ABTB2: variants seen among roughly 807,000 people sequenced by gnomAD.
The protein encoded by ABTB2 is ankyrin repeat and BTB/POZ domain-containing protein 2.
ABTB2 carries 56 observed loss-of-function variants against 104.1 expected under a neutral mutation model. That is an observed-to-expected ratio of 0.54 (90% CI 0.43 to 0.67). ABTB2 has a LOEUF of 0.67. ABTB2 is among the 30% of genes least tolerant of loss of function. The pLI is 0.00. For synonymous variants in ABTB2, 606 were observed against 608.2 expected (o/e 1.00, Z 0.05); for missense variants, 1,279 against 1,407.7 (o/e 0.91, Z 1.46).
intron 1 of ABTB2, among the ~76,000 whole-genome samples, chr11:34,243,030 C>T (rs1396861273): frequency 6.6e-6 from 1 of 152,130 alleles, no homozygotes; most frequent in Non-Finnish European, 1.5e-5. Flanking sequence ...ACCTCACTGA[C>T]AGTCCGAATC....
intron 1 of ABTB2, among the ~76,000 whole-genome samples, chr11:34,225,194 G>C (rs1196890736): frequency 1.3e-5 from 2 of 152,206 alleles, no homozygotes; most frequent in Non-Finnish European, 2.9e-5. Flanking sequence ...GTGGCCGTCA[G>C]GGAGGGCAGA....
intron 1 of ABTB2, among the ~76,000 whole-genome samples, chr11:34,321,451 T>C (rs1855000640): frequency 6.6e-6 from 1 of 152,172 alleles, no homozygotes; most frequent in Non-Finnish European, 1.5e-5. Flanking sequence ...TCAAAGTAAA[T>C]AAAAACCTAT....
chr11:34,163,922 G>A (rs1009844775), intron 9 of ABTB2, among the ~76,000 whole-genome samples: 1 of 152,024 alleles, frequency 6.6e-6, no homozygotes, highest in Admixed American at 6.5e-5. Context: ...GCGGCCTAGA[G>A]GTGGTGATGT....
intron 1 of ABTB2, among the ~76,000 whole-genome samples, chr11:34,354,489 T>G (rs1476404207): frequency 1.8e-3 from 1 of 552 alleles, no homozygotes; most frequent in African/African-American, 0.014. Flanking sequence ...GTGGTGGAGC[T>G]GGGGGGTGGG....
At chr11:34,321,292 T>C (rs1854998835) in intron 1 of ABTB2, among the ~76,000 whole-genome samples, 1 of 152,232 alleles carries the variant, frequency 6.6e-6, no homozygotes, top group Non-Finnish European at 1.5e-5. Context: ...GCTTCTTAAA[T>C]GTTTATAGAC....
chr11:34,168,622 G>T (rs772399438), intron 5 of ABTB2, among the ~76,000 whole-genome samples: 1 of 152,200 alleles, frequency 6.6e-6, no homozygotes, highest in Non-Finnish European at 1.5e-5. Flanking sequence ...ACTGCCCAAA[G>T]TCACACAACT....
At chr11:34,231,006 C>T (rs886661484) in intron 1 of ABTB2, among the ~76,000 whole-genome samples, 1 of 152,166 alleles carries the variant, frequency 6.6e-6, no homozygotes, top group Non-Finnish European at 1.5e-5. Flanking sequence ...CCACCGCACA[C>T]AGCAGATCCT....
chr11:34,275,939 C>T (rs982662750), intron 1 of ABTB2, among the ~76,000 whole-genome samples: 1 of 152,166 alleles, frequency 6.6e-6, no homozygotes, highest in Non-Finnish European at 1.5e-5. Context: ...GGAAGTCACA[C>T]AACAGGGCCA....
intron 11 of ABTB2, 82 bp downstream of exon 11, chr11:34,160,821 T>C: frequency 2.1e-6 from 3 of 1,442,058 alleles, no homozygotes; most frequent in East Asian, 2.3e-5. Flanking sequence ...TCTGTCCACG[T>C]GTCTGCCTGT....
In ABTB2 at chr11:34,357,775, C is replaced by A; in HGVS notation, c.-192G>T. On this transcript the variant is annotated 5_prime_UTR_variant, in exon 1 of 17. Coordinates refer to ENST00000435224, the MANE Select transcript of ABTB2 (RefSeq NM_145804.3). ...GGCCGAGATCCGTGGCCAGCAGGAG[C>A]CCCACGCTCCCGGCGTCCCGACTCG... The A allele has an allele frequency of 5.0e-6, 3 of 596,112 alleles. No individual in the cohort carries two copies. In the South Asian group the frequency reaches 8.3e-5, roughly 16 times the overall value. 36.9% of individuals were successfully genotyped at this position (596,112 alleles called of 1,614,324 possible).
intron 1 of ABTB2, among the ~76,000 whole-genome samples, chr11:34,210,641 G>T (rs545013198): frequency 6.6e-6 from 1 of 152,282 alleles, no homozygotes; most frequent in South Asian, 2.1e-4. Context: ...AGTGAGTGTG[G>T]TACCATTTCT....
At chr11:34,177,557 GT>G (rs200368925) in intron 3 of ABTB2, among the ~76,000 whole-genome samples, 9 of 151,324 alleles carry the variant, frequency 5.9e-5, no homozygotes, top group Non-Finnish European at 8.9e-5. Flanking sequence ...AAAACTGAGG[GT>G]TTTTTTTTCC....
At chr11:34,279,149 G>C (rs957762947) in intron 1 of ABTB2, among the ~76,000 whole-genome samples, 4 of 152,166 alleles carry the variant, frequency 2.6e-5, no homozygotes, top group Admixed American at 2.6e-4. Flanking sequence ...TGCATGAACT[G>C]TCCAGTTTGT....
In ABTB2 at chr11:34,197,503, C is replaced by T; in HGVS notation, c.1066G>A (p.Gly356Arg). The change falls in exon 3 of 17, where the codon GGG becomes AGG. Residue 356 changes from glycine (G) to arginine (R), a missense_variant. Transcript: ENST00000435224. ...GCACCCGGGCACAGGGGGTGACGCC[C>T]CTGCATGTGGTGCATGGCACGGGAG... ...LVSRAMHHMQGRHPLCPGASP... is the reference protein window; with the variant it reads ...LVSRAMHHMQRRHPLCPGASP... 6.3e-7 allele frequency: 1 copy of T among 1,579,992 alleles called. No homozygotes were observed. Among genetic ancestry groups the T allele is most frequent in the Non-Finnish European group, 8.6e-7 (1 of 1,166,784 alleles).
At chr11:34,341,420 C>T (rs1240814258) in intron 1 of ABTB2, among the ~76,000 whole-genome samples, 1 of 152,162 alleles carries the variant, frequency 6.6e-6, no homozygotes, top group Non-Finnish European at 1.5e-5. Flanking sequence ...AATTTTTAGA[C>T]CTGTGAAAAC....
chr11:34,152,322 TACCCCG>T lies in ABTB2; in HGVS notation c.*59_*64del. 2 of 1,500,744 alleles carry T rather than the reference TACCCCG, an allele frequency of 1.3e-6. No homozygotes were observed. 93.0% of individuals were successfully genotyped at this position (1,500,744 alleles called of 1,614,324 possible). A position where few individuals can be genotyped will look rare whatever the true frequency, so the allele number is the denominator to read the frequency against. ...CTGGCTCCAAGAGGGCCTACAACCA[TACCCCG>T]ACATGGTGGGCCCTGGCACCTCCAC... On this transcript the variant is annotated 3_prime_UTR_variant, in exon 17 of 17. Coordinates refer to ENST00000435224, the MANE Select transcript of ABTB2 (RefSeq NM_145804.3).
At position 34,357,862 on chromosome 11, in the gene ABTB2, T is replaced by G; in HGVS notation, c.-279A>C. ...GGCACTCCCCCTTGTCCACCTCTAA[T>G]TCCCACAAGCAGAGAGTCAGTCCTC... On this transcript the variant is annotated 5_prime_UTR_variant, in exon 1 of 17. Transcript: ENST00000435224. 45 of 379,508 alleles carry G rather than the reference T, an allele frequency of 1.2e-4. No individual in the cohort carries two copies. Among genetic ancestry groups the G allele is most frequent in the East Asian group, 1.9e-4 (4 of 21,520 alleles). 23.5% of individuals were successfully genotyped at this position (379,508 alleles called of 1,614,324 possible).
intron 1 of ABTB2, among the ~76,000 whole-genome samples, chr11:34,297,652 G>A (rs750814759): frequency 6.6e-6 from 1 of 151,804 alleles, no homozygotes; most frequent in African/African-American, 2.4e-5. Flanking sequence ...TGTAATCCCA[G>A]CTACTCAGGA....
chr11:34,222,451 CTT>C (rs1853636651), intron 1 of ABTB2, among the ~76,000 whole-genome samples: 1 of 152,074 alleles, frequency 6.6e-6, no homozygotes, highest in East Asian at 1.9e-4. Flanking sequence ...GCTGGGGAGC[CTT>C]AGAATTTTAA....
Sources: allele counts gnomAD v4.1 joint callset (sites outside exome capture counted in the v4.1 genomes callset), GRCh38; gene constraint gnomAD v4.1.1; transcripts MANE v1.5; gene names NCBI Gene and HGNC (gene_info 2026-07-23, HGNC 2026-07-21).